Variants in LOC101059915 observed in about 807,000 individuals in gnomAD.
chrX:71,670,780 C>G, the LOC101059915 span: 1 of 1,077,552 alleles, frequency 9.3e-7, no homozygotes, highest in East Asian at 3.5e-5. Context: ...GGGAAGAGAA[C>G]CAAGCAGGCC....
the LOC101059915 span, chrX:71,668,724 T>TGCCGTTAG: frequency 7.4e-6 from 8 of 1,075,142 alleles, no homozygotes; most frequent in Non-Finnish European, 9.6e-6. Context: ...GCTCAGGAGC[T>TGCCGTTAG]GCCGTTAGAG....
chrX:71,671,362 C>T, the LOC101059915 span: 1 of 796,193 alleles, frequency 1.3e-6, no homozygotes. Flanking sequence ...AGGTTGGAGC[C>T]AGCATCTTCC....
At chrX:71,670,107 G>A in the LOC101059915 span, among the ~76,000 whole-genome samples, 1 of 112,330 alleles carries the variant, frequency 8.9e-6, no homozygotes, top group Non-Finnish European at 1.9e-5. Flanking sequence ...GGAGAACAGG[G>A]AAGACCGTCC....
the LOC101059915 span, chrX:71,670,730 C>T: frequency 1.8e-6 from 2 of 1,096,974 alleles, no homozygotes; most frequent in Non-Finnish European, 2.4e-6. Flanking sequence ...TGGGGGTGGA[C>T]TGCAGGTATA....
the LOC101059915 span, chrX:71,671,474 GC>G: frequency 2.6e-6 from 1 of 380,403 alleles, no homozygotes; most frequent in Non-Finnish European, 4.7e-6. Context: ...TGCTGCATTT[GC>G]CCCCTTCCCA....
chrX:71,670,451 G>T, the LOC101059915 span: 3 of 1,108,859 alleles, frequency 2.7e-6, no homozygotes, highest in African/African-American at 1.8e-5. Flanking sequence ...ACCCCATGCA[G>T]AGTGAGTGCC....
At chrX:71,668,868 G>T in the LOC101059915 span, 15 of 1,101,253 alleles carry the variant, frequency 1.4e-5, no homozygotes, top group Admixed American at 5.5e-4. Context: ...CACCTGATCC[G>T]GCTAGCTTCC....
the LOC101059915 span, chrX:71,668,211 G>C: frequency 1.4e-5 from 16 of 1,118,230 alleles, no homozygotes; most frequent in Non-Finnish European, 1.8e-5. Flanking sequence ...CTGACATCTG[G>C]GCGGACCTGG....
At chrX:71,668,213 C>T in the LOC101059915 span, 439 of 1,116,425 alleles carry the variant, frequency 3.9e-4, 2 homozygotes, top group African/African-American at 5.4e-3. Context: ...GACATCTGGG[C>T]GGACCTGGAG....
chrX:71,671,132 T>G, the LOC101059915 span: 9 of 1,159,196 alleles, frequency 7.8e-6, no homozygotes, highest in Admixed American at 7.9e-5. Context: ...AGGGCTAGGT[T>G]TTTCCCCACG....
chrX:71,670,345 G>A, the LOC101059915 span: 10 of 1,165,605 alleles, frequency 8.6e-6, no homozygotes, highest in Non-Finnish European at 1.1e-5. Flanking sequence ...GTAATGCTTT[G>A]TGTGGCTCCT....
At chrX:71,669,119 A>G in the LOC101059915 span, 3 of 1,049,250 alleles carry the variant, frequency 2.9e-6, no homozygotes, top group Non-Finnish European at 3.8e-6. Context: ...CCCCCCACCC[A>G]CCTCTCTTCC....
At chrX:71,670,383 G>T in the LOC101059915 span, 2 of 1,164,081 alleles carry the variant, frequency 1.7e-6, no homozygotes, top group Non-Finnish European at 2.3e-6. Flanking sequence ...CTAGATGGTG[G>T]GATCCATGTC....
At chrX:71,670,627 AG>A in the LOC101059915 span, 1 of 1,105,135 alleles carries the variant, frequency 9.0e-7, no homozygotes, top group Non-Finnish European at 1.2e-6. Context: ...CTTGCTGCAG[AG>A]GGAAATTGAA....
chrX:71,669,562 C>G, the LOC101059915 span: 2 of 958,213 alleles, frequency 2.1e-6, no homozygotes, highest in East Asian at 8.3e-5. Context: ...GTTTTAGCTT[C>G]CCACACAGAA....
chrX:71,670,277 C>A, the LOC101059915 span: 6 of 1,166,579 alleles, frequency 5.1e-6, no homozygotes, highest in Non-Finnish European at 6.9e-6. Flanking sequence ...AGCCACCTGT[C>A]CATCCCCCAA....
the LOC101059915 span, among the ~76,000 whole-genome samples, chrX:71,669,213 T>G: frequency 8.9e-6 from 1 of 111,951 alleles, no homozygotes; most frequent in African/African-American, 3.2e-5. Flanking sequence ...GATGCCCGAT[T>G]GGGGTCCTCC....
the LOC101059915 span, chrX:71,668,966 G>A: frequency 8.6e-7 from 1 of 1,162,974 alleles, no homozygotes; most frequent in East Asian, 3.3e-5. Context: ...CCTGCAGGAA[G>A]GAAGACCAGG....
At chrX:71,671,314 C>T in the LOC101059915 span, 2 of 1,079,793 alleles carry the variant, frequency 1.9e-6, no homozygotes, top group Non-Finnish European at 2.5e-6. Flanking sequence ...GTGGGCTCAC[C>T]CTGGCTGGGG....
Sources: gnomAD v4.1 joint callset for allele counts (sites outside exome capture counted in the v4.1 genomes callset) on GRCh38, gnomAD v4.1.1 for gene constraint, MANE v1.5 for transcripts.